The following C19orf47 variants were observed in gnomAD, a reference collection of about 807,000 sequenced individuals.
C19orf47 encodes uncharacterized protein C19orf47.
In C19orf47, 18 loss-of-function variants were observed where a neutral mutation model predicts 32.3. The ratio of observed to expected loss-of-function variants is 0.56; its 90% CI spans 0.39 to 0.83. The LOEUF (loss-of-function observed/expected upper bound fraction) is 0.83. Among genes scored for constraint, C19orf47 ranks in the 40% least tolerant of loss-of-function variants. The pLI is 0.00. For synonymous variants in C19orf47, 202 were observed against 211.1 expected, an observed-to-expected ratio of 0.96 and a Z score of 0.37; for missense variants, 484 against 531.6, an observed-to-expected ratio of 0.91 and a Z score of 0.88.
At chr19:40,334,730 G>A (rs1281729587) in intron 4 of C19orf47, 1 of 152,166 alleles carries the variant, frequency 6.6e-6, no homozygotes, top group East Asian at 1.9e-4. Flanking sequence ...CCTGGCAACA[G>A]GGCAGGATTC....
At chr19:40,295,082 C>A in the C19orf47 span, among the ~76,000 whole-genome samples, 1 of 152,136 alleles carries the variant, frequency 6.6e-6, no homozygotes, top group South Asian at 2.1e-4. Context: ...AGTGCAGTGG[C>A]TTAATCTCGC....
the C19orf47 span, among the ~76,000 whole-genome samples, chr19:40,312,299 G>A: frequency 3.9e-5 from 6 of 152,232 alleles, no homozygotes; most frequent in African/African-American, 1.4e-4. Flanking sequence ...TGTAATCCCA[G>A]CACTTTGGGA....
chr19:40,295,824 G>A, the C19orf47 span, among the ~76,000 whole-genome samples: 2,464 of 152,210 alleles, frequency 0.016, 149 homozygotes, highest in Admixed American at 0.12. Context: ...ACCACTCACT[G>A]CAGCCTCTGC....
intron 1 of C19orf47, among the ~76,000 whole-genome samples, chr19:40,342,646 ACC>A (rs1227972433): frequency 6.6e-6 from 1 of 152,182 alleles, no homozygotes; most frequent in African/African-American, 2.4e-5. Flanking sequence ...GACATGGAGG[ACC>A]TGGGAAGGGA....
chr19:40,317,955 A>C (rs1254046145), downstream of C19orf47, among the ~76,000 whole-genome samples: 1 of 152,048 alleles, frequency 6.6e-6, no homozygotes, highest in East Asian at 1.9e-4. Context: ...CTGACTTCCA[A>C]GTGATCCACC....
At chr19:40,304,139 T>C in the C19orf47 span, among the ~76,000 whole-genome samples, 1 of 152,184 alleles carries the variant, frequency 6.6e-6, no homozygotes, top group Non-Finnish European at 1.5e-5. Context: ...CCAGGTCTCA[T>C]ACTATTCAAA....
chr19:40,348,409 G>A, upstream of C19orf47: 2 of 1,488,050 alleles, frequency 1.3e-6, no homozygotes, highest in Non-Finnish European at 1.8e-6. Context: ...CCCGGCCCGG[G>A]CTGCCCGCCC....
At chr19:40,309,900 C>A in the C19orf47 span, among the ~76,000 whole-genome samples, 1 of 152,030 alleles carries the variant, frequency 6.6e-6, no homozygotes, top group African/African-American at 2.4e-5. Flanking sequence ...GAAAATGGGA[C>A]CCTCATATAC....
At chr19:40,305,901 C>G in the C19orf47 span, among the ~76,000 whole-genome samples, 1 of 152,100 alleles carries the variant, frequency 6.6e-6, no homozygotes, top group Admixed American at 6.6e-5. Context: ...GGAATCCCAG[C>G]ACTTTGGGAG....
the C19orf47 span, among the ~76,000 whole-genome samples, chr19:40,301,986 C>G: frequency 6.6e-6 from 1 of 151,646 alleles, no homozygotes; most frequent in African/African-American, 2.4e-5. Context: ...ATGGAGAAAC[C>G]CCATCTCTAC....
intron 1 of C19orf47, among the ~76,000 whole-genome samples, chr19:40,343,087 G>A (rs55954198): frequency 0.017 from 2,565 of 152,224 alleles, 86 homozygotes; most frequent in African/African-American, 0.059. Context: ...TGCGACTCCA[G>A]GATCATGGGG....
At chr19:40,297,055 T>C in the C19orf47 span, among the ~76,000 whole-genome samples, 1 of 152,178 alleles carries the variant, frequency 6.6e-6, no homozygotes, top group Non-Finnish European at 1.5e-5. Flanking sequence ...GCTAGAAATA[T>C]AGGAAGTAAT....
chr19:40,331,502 G>A (rs144522062), intron 5 of C19orf47, among the ~76,000 whole-genome samples: 36 of 152,308 alleles, frequency 2.4e-4, no homozygotes, highest in Non-Finnish European at 4.6e-4. Context: ...GCAAGACATG[G>A]TGGCTTGTGC....
chr19:40,331,089 G>A (rs1254901939), intron 5 of C19orf47, among the ~76,000 whole-genome samples: 2 of 152,202 alleles, frequency 1.3e-5, no homozygotes, highest in African/African-American at 2.4e-5. Flanking sequence ...ACCCTAATTT[G>A]CTCAGCTTCT....
At chr19:40,348,301 A>ACCGCAACCGGCCCAGTCCCC in intron 1 of C19orf47, 23 bp downstream of exon 1, 1 of 1,307,506 alleles carries the variant, frequency 7.6e-7, no homozygotes, top group Non-Finnish European at 9.7e-7. Flanking sequence ...GCCCAGTCCC[A>ACCGCAACCGGCCCAGTCCCC]CCACCCCCGG....
At chr19:40,334,986 A>AGGGAGGGAGGAAGGAAGGG (rs2078031385) in intron 4 of C19orf47, 1 of 124,660 alleles carries the variant, frequency 8.0e-6, no homozygotes, top group African/African-American at 2.9e-5. Context: ...GGAAGGAAGG[A>AGGGAGGGAGGAAGGAAGGG]AGGGAGAAAG....
Position 40,326,475 on chromosome 19 carries a change from G to T in C19orf47, c.451C>A (p.Arg151Ser). The change falls in exon 7 of 9, where the codon CGC (arginine) becomes AGC (serine). Residue 151 changes from arginine (R) to serine (S), a missense_variant. Coordinates refer to ENST00000683109, the MANE Select transcript of C19orf47 (RefSeq NM_001256441.2). ...KSAKATAALA[R>S]REEESLAVPA... ...ACAGCCAGGCTCTCCTCCTCCCGGCGGGCCAGGGCTGCTGGGGGAAGAAAG... is the reference window on the plus strand; with the variant it reads ...ACAGCCAGGCTCTCCTCCTCCCGGCTGGCCAGGGCTGCTGGGGGAAGAAAG... 1 of 1,613,414 alleles carries T rather than the reference G, an allele frequency of 6.2e-7. No individual in the cohort carries two copies. Among genetic ancestry groups the T allele is most frequent in the African/African-American group, 1.3e-5 (1 of 75,042 alleles).
the C19orf47 span, among the ~76,000 whole-genome samples, chr19:40,294,004 C>T: frequency 6.6e-6 from 1 of 151,974 alleles, no homozygotes; most frequent in Non-Finnish European, 1.5e-5. Context: ...CCTGTAATTC[C>T]AGCTACTTAA....
chr19:40,323,530 G>T lies in C19orf47; in HGVS notation c.663+476C>A, dbSNP rs1046144755. ...TCTGCAGGGCTTCCAGTGAGGGGAC[G>T]GGCCCTGTCCTGTGGGCCGCACACA... is the stretch of plus-strand genomic sequence containing the variant. On this transcript the variant is annotated intron_variant, in intron 8 of 8. Transcript: ENST00000683109. Among the ~76,000 whole-genome samples the T allele has an allele frequency of 3.9e-5, 6 of 152,172 alleles. No individual in the cohort carries two copies. In the East Asian group the frequency reaches 1.2e-3, roughly 29 times the overall value.
Sources: gnomAD v4.1 joint callset for allele counts (sites outside exome capture counted in the v4.1 genomes callset) on GRCh38, gnomAD v4.1.1 for gene constraint, MANE v1.5 for transcripts, NCBI Gene and HGNC (gene_info 2026-07-23, HGNC 2026-07-21) for gene names.